The following APOBEC3F variants were observed in gnomAD, a reference collection of about 807,000 sequenced individuals.
APOBEC3F encodes the protein apolipoprotein B mRNA editing enzyme catalytic subunit 3F.
A neutral mutation model predicts 45.8 loss-of-function variants in APOBEC3F; 34 were observed. The ratio of observed to expected loss-of-function variants is 0.74; its 90% CI spans 0.57 to 0.99. The LOEUF is 0.99. Ranked by LOEUF, APOBEC3F falls within the 50% of genes least tolerant of loss-of-function variation. The pLI, the probability that APOBEC3F is intolerant of heterozygous loss-of-function variation, is 0.00. For synonymous variants in APOBEC3F, 192 were observed against 174.4 expected, an observed-to-expected ratio of 1.10 and a Z score of -0.80; for missense variants, 459 against 474.1, an observed-to-expected ratio of 0.97 and a Z score of 0.30.
In APOBEC3F at chr22:39,053,960, A is replaced by G. The variant is rs1927611920; in HGVS notation, c.*1265A>G. ...CAGCAATGGAACCTCCCAGTTCCCA[A>G]CCCTTCCTAGTGCCCATGGGCTTTC... is the stretch of plus-strand genomic sequence containing the variant. On this transcript the variant is annotated 3_prime_UTR_variant, in exon 7 of 7. Transcript: ENST00000308521. 2 of 152,054 alleles carry G rather than the reference A, an allele frequency of 1.3e-5. No individual in the cohort carries two copies. The highest frequency in any genetic ancestry group is 1.3e-4 in the Admixed American group (2 of 15,262). 9.4% of individuals were successfully genotyped at this position (152,054 alleles called of 1,614,324 possible).
rs2146354226 is a variant in APOBEC3F at position 39,055,374 on chromosome 22, T to G, written c.*2679T>G. ...GATATAAGCCACCATACACAACTTT[T>G]TTTTTTTTTTGAGATGGAGTTTCAC... On this transcript the variant is annotated 3_prime_UTR_variant, in exon 7 of 7. Coordinates refer to ENST00000308521, the MANE Select transcript of APOBEC3F (RefSeq NM_145298.6). Among the ~76,000 whole-genome samples the G allele has an allele frequency of 6.7e-6, 1 of 149,812 alleles. No homozygotes were observed. The highest frequency in any genetic ancestry group is 2.1e-4 in the South Asian group (1 of 4,712).
chr22:39,042,313 T>C (rs942014831), intron 1 of APOBEC3F, among the ~76,000 whole-genome samples: 14 of 149,612 alleles, frequency 9.4e-5, no homozygotes, highest in African/African-American at 3.2e-4. Flanking sequence ...TCTCTCTCTT[T>C]TTTTTTTTTT....
Position 39,044,935 on chromosome 22 carries a change from T to A in APOBEC3F, c.172-6T>A, listed in dbSNP as rs778937811. 6.2e-7 allele frequency: 1 copy of A among 1,612,538 alleles called. No individual in the cohort carries two copies. Among genetic ancestry groups the A allele is most frequent in the Admixed American group, 1.7e-5 (1 of 59,904 alleles). On this transcript the variant is annotated splice_region_variant and splice_polypyrimidine_tract_variant and intron_variant, in intron 2 of 6. Transcript: ENST00000308521. ...GAGCATCCCCTGCCCCCTGCTCCTC[T>A]CCCAGGTGTATTCCCAGCCTGAGCA...
At chr22:39,044,121 C>T in intron 2 of APOBEC3F, 2 of 1,561,472 alleles carry the variant, frequency 1.3e-6, no homozygotes, top group Non-Finnish European at 8.7e-7. Flanking sequence ...TTCAAGTGCT[C>T]AGTAGCCCCT....
At chr22:39,051,421 C>CGGG (rs1263437451) in intron 5 of APOBEC3F, among the ~76,000 whole-genome samples, 14 of 151,646 alleles carry the variant, frequency 9.2e-5, no homozygotes, top group African/African-American at 1.5e-4. Context: ...CCTGTAGTCC[C>CGGG]AGCTACTTGG....
intron 5 of APOBEC3F, among the ~76,000 whole-genome samples, chr22:39,050,482 C>T (rs1217778292): frequency 2.1e-5 from 3 of 143,920 alleles, no homozygotes; most frequent in Non-Finnish European, 4.5e-5. Context: ...GCAGTGCTGG[C>T]CTCGGAAACA....
chr22:39,047,691 A>T lies in APOBEC3F; in HGVS notation c.567-1734A>T, dbSNP rs35534375. ...CCCTGCTATGTGGTCGCCCCTTTAC[A>T]GCTTCTGAATGGGCCATCTCCCCCA... On this transcript the variant is annotated intron_variant, in intron 4 of 6. Coordinates refer to ENST00000308521, the MANE Select transcript of APOBEC3F (RefSeq NM_145298.6). 1.9e-3 allele frequency among the ~76,000 whole-genome samples: 290 copies of T among 150,768 alleles called. 1 individual carries two copies. The highest frequency in any genetic ancestry group is 6.8e-3 in the African/African-American group (280 of 40,940).
rs747635296 is a variant in APOBEC3F, at chr22:39,045,187, G to T, written c.418G>T (p.Ala140Ser). 4.0e-5 allele frequency: 64 copies of T among 1,614,048 alleles called. No individual in the cohort carries two copies. Among genetic ancestry groups the T allele is most frequent in the Non-Finnish European group, 5.2e-5 (61 of 1,180,030 alleles). Residue 140 changes from alanine (A) to serine (S), a missense_variant, in exon 3 of 7, where the codon GCA (alanine) becomes TCA (serine). Physicochemically the swap from Ala to Ser is moderately conservative, Grantham distance 99. Coordinates refer to ENST00000308521, the MANE Select transcript of APOBEC3F (RefSeq NM_145298.6). The stretch of plus-strand genomic sequence containing the variant: ...AAGGGCGCTCTGCAGGCTGAGTCAG[G>T]CAGGGGCCCGCGTGAAGATTATGGA... The part of the protein sequence containing the change: ...YRRALCRLSQ[A>S]GARVKIMDDE...
In APOBEC3F at chr22:39,045,436, T is replaced by C; in HGVS notation, c.460T>C (p.Tyr154His). Residue 154 changes from tyrosine (Y) to histidine (H), a missense_variant, in exon 4 of 7, where the codon TAC (tyrosine) becomes CAC (histidine). Transcript: ENST00000308521. ...VKIMDDEEFA[Y>H]CWENFVYSEG... ...CTGCCTCTTCGTCTCAGAATTTGCATACTGCTGGGAAAACTTTGTGTACAG... is the reference window on the plus strand; with the variant it reads ...CTGCCTCTTCGTCTCAGAATTTGCACACTGCTGGGAAAACTTTGTGTACAG... 1 of 1,614,148 alleles carries C rather than the reference T, an allele frequency of 6.2e-7. No homozygotes were observed.
At position 39,052,785 on chromosome 22, in the gene APOBEC3F, T is replaced by C; in HGVS notation, c.*90T>C. ...CTCCATCCTGGACCAGCTGTGCTTT[T>C]GCCTGGTCATCCTGAGCCCCTCCTG... On this transcript the variant is annotated 3_prime_UTR_variant, in exon 7 of 7. Coordinates refer to ENST00000308521, the MANE Select transcript of APOBEC3F (RefSeq NM_145298.6). The C allele has an allele frequency of 9.2e-6, 14 of 1,527,902 alleles. No homozygotes were observed. The highest frequency in any genetic ancestry group is 1.2e-5 in the Non-Finnish European group (14 of 1,142,828). The allele number at this position is 1,527,902 out of a possible 1,614,324, so 94.6% of individuals were successfully genotyped here.
At chr22:39,047,872 AG>A (rs2146346464) in intron 4 of APOBEC3F, among the ~76,000 whole-genome samples, 1 of 152,298 alleles carries the variant, frequency 6.6e-6, no homozygotes, top group Non-Finnish European at 1.5e-5. Flanking sequence ...TGGAGCAATC[AG>A]GCATTTTGTT....
In APOBEC3F at chr22:39,055,153, A is replaced by G. The variant is rs1442234870; in HGVS notation, c.*2458A>G. 6.7e-6 allele frequency among the ~76,000 whole-genome samples: 1 copy of G among 149,834 alleles called. No individual in the cohort carries two copies. Among genetic ancestry groups the G allele is most frequent in the African/African-American group, 2.5e-5 (1 of 40,476 alleles). Reference sequence around the variant, plus strand: ...AATGGCACAATCTCAGCTCACTGCAACCTCTGCCTTCCGAGTTCAAGCGAT... The same window carrying G: ...AATGGCACAATCTCAGCTCACTGCAGCCTCTGCCTTCCGAGTTCAAGCGAT... On this transcript the variant is annotated 3_prime_UTR_variant, in exon 7 of 7. Transcript: ENST00000308521.
intron 1 of APOBEC3F, among the ~76,000 whole-genome samples, chr22:39,042,057 C>G (rs1388509638): frequency 1.3e-5 from 2 of 152,224 alleles, no homozygotes; most frequent in African/African-American, 2.4e-5. Flanking sequence ...GTCCCCAGCT[C>G]TGTGGCCTGG....
intron 1 of APOBEC3F, among the ~76,000 whole-genome samples, chr22:39,042,401 T>G (rs1434887442): frequency 2.1e-5 from 3 of 145,380 alleles, no homozygotes; most frequent in Admixed American, 7.1e-5. Context: ...AACCTCCGCC[T>G]CCCAGGTTCA....
At chr22:39,045,362 C>G in intron 3 of APOBEC3F, 66 bp from the exon 4 acceptor site, 1 of 1,610,958 alleles carries the variant, frequency 6.2e-7, no homozygotes. Flanking sequence ...AGCCAGGAGA[C>G]CAGGCCTGGG....
At chr22:39,045,634 G>C (rs1230140037) in intron 4 of APOBEC3F, 92 bp downstream of exon 4, 1 of 1,586,550 alleles carries the variant, frequency 6.3e-7, no homozygotes, top group Middle Eastern at 1.7e-4. Context: ...CCTGCCCTCC[G>C]TCCTGCCCCC....
chr22:39,045,784 C>G (rs893263212), intron 4 of APOBEC3F, among the ~76,000 whole-genome samples: 1 of 152,172 alleles, frequency 6.6e-6, no homozygotes. Flanking sequence ...CCTTCGAGGC[C>G]GCCCTCCCCA....
In APOBEC3F at chr22:39,052,250, C is replaced by G. The variant is rs766993132; in HGVS notation, c.900C>G (p.Thr300=). 6.2e-7 allele frequency: 1 copy of G among 1,614,214 alleles called. No homozygotes were observed. The highest frequency in any genetic ancestry group is 8.5e-7 in the Non-Finnish European group (1 of 1,180,042). The change falls in exon 6 of 7, where the codon ACC becomes ACG. Residue 300 remains threonine (T), a synonymous_variant. Transcript: ENST00000308521. ...CCAGGCACAGCAACGTGAATCTCAC[C>G]ATCTTCACCGCCCGCCTCTACTACT... is the stretch of plus-strand genomic sequence containing the variant. ...FLARHSNVNL[T]IFTARLYYFW...
In APOBEC3F at chr22:39,045,195, C is replaced by A; in HGVS notation, c.426C>A (p.Ala142=). 1 of 1,614,112 alleles carries A rather than the reference C, an allele frequency of 6.2e-7. No homozygotes were observed. The highest frequency in any genetic ancestry group is 2.2e-5 in the East Asian group (1 of 44,876). The change falls in exon 3 of 7, where the codon GCC becomes GCA. Residue 142 remains alanine, a synonymous_variant. Transcript: ENST00000308521. ...RALCRLSQAG[A]RVKIMDDEEF... ...TCTGCAGGCTGAGTCAGGCAGGGGC[C>A]CGCGTGAAGATTATGGACGATGAAG...
Sources: allele counts gnomAD v4.1 joint callset (sites outside exome capture counted in the v4.1 genomes callset), GRCh38; gene constraint gnomAD v4.1.1; transcripts MANE v1.5; gene names NCBI Gene and HGNC (gene_info 2026-07-23, HGNC 2026-07-21).